The following SNUPN variants were observed in gnomAD, a reference collection of about 807,000 sequenced individuals.
SNUPN encodes snurportin 1.
SNUPN carries 31 observed loss-of-function variants against 39.2 expected under a neutral mutation model. The observed-to-expected ratio is 0.79, with a 90% CI of 0.59 to 1.07. The LOEUF (loss-of-function observed/expected upper bound fraction) is 1.07. Among genes scored for constraint, SNUPN ranks in the 50% least tolerant of loss-of-function variants. SNUPN has a pLI of 0.00. For synonymous variants in SNUPN, 132 were observed against 159.0 expected, an observed-to-expected ratio of 0.83 and a Z score of 1.28; for missense variants, 382 against 434.2, an observed-to-expected ratio of 0.88 and a Z score of 1.07.
intron 7 of SNUPN, among the ~76,000 whole-genome samples, chr15:75,604,201 C>T (rs935680452): frequency 2.2e-5 from 3 of 134,510 alleles, no homozygotes; most frequent in Admixed American, 1.7e-4. Context: ...CGCTCTGTTG[C>T]CCAGGCTGGA....
At chr15:75,619,902 C>G (rs1893027013) in intron 2 of SNUPN, among the ~76,000 whole-genome samples, 1 of 152,028 alleles carries the variant, frequency 6.6e-6, no homozygotes. Context: ...GCACGCACCA[C>G]CATGTCGGGC....
rs1161107246 is a variant in SNUPN, at chr15:75,598,579, C to T, written c.862G>A (p.Val288Ile). The change falls in exon 9 of 9, where the codon GTA (valine) becomes ATA (isoleucine). Residue 288 changes from valine to isoleucine, a missense_variant. Transcript: ENST00000308588. ...GTCAGCGGGCCAGCCGGCACAGCTA[C>T]ACCAAGGACATCTGACACCATGTAG... ...RPYMVSDVLGVAVPAGPLTTK... is the reference protein window; with the variant it reads ...RPYMVSDVLGIAVPAGPLTTK... 6.2e-7 allele frequency: 1 copy of T among 1,614,120 alleles called. No homozygotes were observed. Among genetic ancestry groups the T allele is most frequent in the Non-Finnish European group, 8.5e-7 (1 of 1,180,054 alleles).
intron 5 of SNUPN, among the ~76,000 whole-genome samples, chr15:75,607,993 T>C (rs1892676622): frequency 6.6e-6 from 1 of 151,894 alleles, no homozygotes; most frequent in African/African-American, 2.4e-5. Context: ...GGGAGATAAG[T>C]CAGCTGAACA....
intron 1 of SNUPN, among the ~76,000 whole-genome samples, chr15:75,623,910 A>G (rs1277206498): frequency 1.3e-5 from 2 of 150,372 alleles, no homozygotes; most frequent in Non-Finnish European, 2.9e-5. Flanking sequence ...TAAGTTTGAA[A>G]GCTTTCATGA....
chr15:75,624,174 G>A (rs1387968471), intron 1 of SNUPN, among the ~76,000 whole-genome samples: 2 of 149,510 alleles, frequency 1.3e-5, no homozygotes, highest in East Asian at 4.0e-4. Context: ...TGATCCGCCC[G>A]CCTCGGCCTC....
chr15:75,604,454 G>A (rs367615887), intron 7 of SNUPN, among the ~76,000 whole-genome samples: 2 of 152,096 alleles, frequency 1.3e-5, no homozygotes, highest in East Asian at 3.9e-4. Flanking sequence ...GAGCCACGGC[G>A]CCTGGCCCTT....
intron 3 of SNUPN, among the ~76,000 whole-genome samples, chr15:75,616,464 AG>A (rs1257314431): frequency 1.3e-5 from 2 of 151,724 alleles, no homozygotes; most frequent in Non-Finnish European, 2.9e-5. Context: ...GTCTCAAAAA[AG>A]AAAAAAAAAG....
At chr15:75,598,751 C>T (rs777016264) in intron 8 of SNUPN, 70 bp from the exon 9 acceptor site, 83 of 1,251,028 alleles carry the variant, frequency 6.6e-5, no homozygotes, top group Non-Finnish European at 8.7e-5. Flanking sequence ...AGCCTATACA[C>T]ACAAGGGCAG....
rs1480845019 is a variant in SNUPN, at chr15:75,623,924, A to AT, written c.-6+1741_-6+1742insA. 2.4e-3 allele frequency among the ~76,000 whole-genome samples: 329 copies of AT among 137,228 alleles called. 3 individuals carry two copies. Among genetic ancestry groups the AT allele is most frequent in the African/African-American group, 8.0e-3 (288 of 36,098 alleles). The allele number at this position is 137,228 out of a possible 152,430, so 90.0% of individuals were successfully genotyped here. A position where few individuals can be genotyped will look rare whatever the true frequency, so the allele number is the denominator to read the frequency against. On this transcript the variant is annotated intron_variant, in intron 1 of 8. Transcript: ENST00000308588. Reference sequence around the variant, plus strand: ...GTAAGTTTGAAAGCTTTCATGATAAAATTTTTTTTTTTTTTTTTTTTGAGA... The same window carrying AT: ...GTAAGTTTGAAAGCTTTCATGATAAATATTTTTTTTTTTTTTTTTTTTGAGA...
intron 4 of SNUPN, 76 bp downstream of exon 4, chr15:75,609,814 T>C: frequency 1.5e-6 from 2 of 1,290,754 alleles, no homozygotes; most frequent in Non-Finnish European, 1.1e-6. Flanking sequence ...TTGTGGCGTA[T>C]GAGGAAAATG....
intron 8 of SNUPN, 88 bp from the exon 9 acceptor site, chr15:75,598,769 G>T: frequency 1.0e-6 from 1 of 989,948 alleles, no homozygotes; most frequent in Non-Finnish European, 1.5e-6. Flanking sequence ...CAGCTCTTGT[G>T]GTCCGACTCC....
chr15:75,620,967 A>C lies in SNUPN; in HGVS notation c.85T>G (p.Ser29Ala). The C allele has an allele frequency of 6.2e-7, 1 of 1,614,122 alleles. No individual in the cohort carries two copies. The highest frequency in any genetic ancestry group is 1.1e-5 in the South Asian group (1 of 91,072). The change falls in exon 2 of 9, where the codon TCC becomes GCC. Residue 29 changes from serine to alanine, a missense_variant. Transcript: ENST00000308588. The part of the protein sequence containing the change: ...NSTAAPHPRL[S>A]QYKSKYSSLE... ...GAACTGTACTTGGACTTGTACTGGGATAGGCGGGGGTGTGGGGCAGCTGTG... is the reference window on the plus strand; with the variant it reads ...GAACTGTACTTGGACTTGTACTGGGCTAGGCGGGGGTGTGGGGCAGCTGTG...
chr15:75,617,328 C>T, intron 3 of SNUPN, 80 bp downstream of exon 3: 3 of 1,444,496 alleles, frequency 2.1e-6, no homozygotes, highest in South Asian at 1.3e-5. Context: ...CTCTTTATGA[C>T]AGCATTTATT....
chr15:75,623,708 G>T (rs964476613), intron 1 of SNUPN, among the ~76,000 whole-genome samples: 1 of 151,900 alleles, frequency 6.6e-6, no homozygotes, highest in Non-Finnish European at 1.5e-5. Flanking sequence ...GCCTCCCAAA[G>T]TGCTGGAATT....
At chr15:75,602,838 C>A (rs2141361819) in intron 7 of SNUPN, among the ~76,000 whole-genome samples, 1 of 152,036 alleles carries the variant, frequency 6.6e-6, no homozygotes, top group East Asian at 2.0e-4. Context: ...AACTCCTGGG[C>A]TCAAACAATC....
chr15:75,604,348 G>A (rs982045627), intron 7 of SNUPN, among the ~76,000 whole-genome samples: 1 of 151,976 alleles, frequency 6.6e-6, no homozygotes, highest in Non-Finnish European at 1.5e-5. Context: ...ATTTAGTAGA[G>A]ACAGGGTTTT....
At chr15:75,623,931 T>C (rs1893143541) in intron 1 of SNUPN, among the ~76,000 whole-genome samples, 1 of 148,684 alleles carries the variant, frequency 6.7e-6, no homozygotes, top group Non-Finnish European at 1.5e-5. Flanking sequence ...TAAAATTTTT[T>C]TTTTTTTTTT....
intron 2 of SNUPN, among the ~76,000 whole-genome samples, chr15:75,618,041 A>T (rs917189913): frequency 6.6e-5 from 10 of 152,154 alleles, no homozygotes; most frequent in Non-Finnish European, 1.3e-4. Flanking sequence ...TCAAAATCCT[A>T]AATAGCGAAA....
chr15:75,605,541 T>A (rs1271776008), intron 6 of SNUPN, among the ~76,000 whole-genome samples: 1 of 152,086 alleles, frequency 6.6e-6, no homozygotes, highest in African/African-American at 2.4e-5. Flanking sequence ...CCTCTTGATC[T>A]CTCCACCTCG....
Sources: allele counts gnomAD v4.1 joint callset (sites outside exome capture counted in the v4.1 genomes callset), GRCh38; gene constraint gnomAD v4.1.1; transcripts MANE v1.5; gene names NCBI Gene and HGNC (gene_info 2026-07-23, HGNC 2026-07-21).